Variants in RBMS1 observed in about 807,000 individuals in gnomAD.
RBMS1 encodes RNA binding motif single stranded interacting protein 1, also known as RNA-binding motif, single-stranded-interacting protein 1.
Under a neutral mutation model 62.3 loss-of-function variants are expected in RBMS1, and 17 were observed. The observed-to-expected ratio is 0.27, with a 90% CI of 0.19 to 0.41. The LOEUF is 0.41. Ranked by LOEUF, RBMS1 falls within the 10% of genes least tolerant of loss-of-function variation. RBMS1 has a pLI of 1.00. For synonymous variants in RBMS1, 172 were observed against 170.0 expected, an observed-to-expected ratio of 1.01 and a Z score of -0.09; for missense variants, 334 against 504.5, an observed-to-expected ratio of 0.66 and a Z score of 3.24.
chr2:160,356,272 G>C (rs1692796414), intron 2 of RBMS1, among the ~76,000 whole-genome samples: 1 of 152,070 alleles, frequency 6.6e-6, no homozygotes, highest in Non-Finnish European at 1.5e-5. Context: ...AGGAAAGACA[G>C]GTTCCTCCTC....
chr2:160,341,887 T>C (rs567474405), intron 2 of RBMS1, among the ~76,000 whole-genome samples: 1 of 152,342 alleles, frequency 6.6e-6, no homozygotes, highest in South Asian at 2.1e-4. Flanking sequence ...TAGTTATATG[T>C]TTTAAAACAT....
At chr2:160,357,156 T>A (rs1692846670) in intron 2 of RBMS1, among the ~76,000 whole-genome samples, 2 of 152,082 alleles carry the variant, frequency 1.3e-5, no homozygotes, top group Admixed American at 1.3e-4. Flanking sequence ...CCAAGGCTCA[T>A]ATAAAGGAAC....
At chr2:160,394,775 C>T (rs909073928) in intron 1 of RBMS1, among the ~76,000 whole-genome samples, 2 of 152,166 alleles carry the variant, frequency 1.3e-5, no homozygotes, top group South Asian at 4.1e-4. Context: ...CACTCTTTAA[C>T]ATTCATTAGA....
intron 10 of RBMS1, 159 bp from the exon 11 acceptor site, chr2:160,278,817 A>G: frequency 1.8e-6 from 1 of 564,872 alleles, no homozygotes; most frequent in Non-Finnish European, 3.1e-6. Context: ...AGTTTCCTAA[A>G]AATCTTCTAA....
chr2:160,328,015 C>T (rs1359912141), intron 2 of RBMS1, among the ~76,000 whole-genome samples: 3 of 152,092 alleles, frequency 2.0e-5, no homozygotes, highest in Non-Finnish European at 4.4e-5. Context: ...CTTAACTTTA[C>T]TGAAACATAA....
rs116608759 is a variant in RBMS1, at chr2:160,371,654, C to T, written c.76-4263G>A. ...AGGGGTGGTTGTATTAGACCCTCAGCCTTTCCTGCACGAGTGGTTTGGCAC... is the reference window on the plus strand; with the variant it reads ...AGGGGTGGTTGTATTAGACCCTCAGTCTTTCCTGCACGAGTGGTTTGGCAC... On this transcript the variant is annotated intron_variant, in intron 1 of 13. Transcript: ENST00000348849. Among the ~76,000 whole-genome samples, 3 of 152,208 alleles carry T rather than the reference C, an allele frequency of 2.0e-5. No homozygotes were observed. In the South Asian group the frequency reaches 6.2e-4, roughly 32 times the overall value.
intron 2 of RBMS1, among the ~76,000 whole-genome samples, chr2:160,360,942 T>C (rs771069035): frequency 4.6e-5 from 7 of 152,158 alleles, no homozygotes; most frequent in Non-Finnish European, 7.3e-5. Flanking sequence ...AAAATAAATA[T>C]GTATTGAATA....
intron 1 of RBMS1, among the ~76,000 whole-genome samples, chr2:160,438,744 C>G (rs1256660751): frequency 6.6e-6 from 1 of 152,262 alleles, no homozygotes; most frequent in Non-Finnish European, 1.5e-5. Flanking sequence ...CCGCCATTGT[C>G]ATCATGGCCC....
chr2:160,309,044 A>T (rs1244154175), intron 4 of RBMS1, among the ~76,000 whole-genome samples: 2 of 152,150 alleles, frequency 1.3e-5, no homozygotes, highest in East Asian at 3.9e-4. Flanking sequence ...TTAAGGGGAG[A>T]CCACAAAACA....
intron 1 of RBMS1, among the ~76,000 whole-genome samples, chr2:160,428,921 C>A (rs1199840331): frequency 6.6e-6 from 1 of 152,126 alleles, no homozygotes; most frequent in East Asian, 1.9e-4. Context: ...CTATGAAAAT[C>A]CAAATTTGAA....
chr2:160,325,956 C>T (rs1338016846), intron 2 of RBMS1, among the ~76,000 whole-genome samples: 1 of 152,064 alleles, frequency 6.6e-6, no homozygotes, highest in African/African-American at 2.4e-5. Context: ...AAAGATATTC[C>T]CCATTTCATT....
chr2:160,376,371 G>C (rs1394601031), intron 1 of RBMS1, among the ~76,000 whole-genome samples: 1 of 152,146 alleles, frequency 6.6e-6, no homozygotes, highest in African/African-American at 2.4e-5. Context: ...ACAGGAAACT[G>C]AACAAGTATT....
chr2:160,472,386 T>A (rs575225364), intron 1 of RBMS1, among the ~76,000 whole-genome samples: 2 of 152,330 alleles, frequency 1.3e-5, no homozygotes, highest in South Asian at 4.1e-4. Context: ...AAAAATTGCT[T>A]CAGTTGTGTG....
chr2:160,427,420 G>C (rs537584100), intron 1 of RBMS1, among the ~76,000 whole-genome samples: 5 of 152,076 alleles, frequency 3.3e-5, no homozygotes, highest in Admixed American at 2.0e-4. Context: ...AAAGAGAACT[G>C]AGTCAAAAAT....
chr2:160,339,084 T>C (rs1280560960), intron 2 of RBMS1, among the ~76,000 whole-genome samples: 1 of 151,964 alleles, frequency 6.6e-6, no homozygotes, highest in African/African-American at 2.4e-5. Flanking sequence ...AAATCACATC[T>C]CTCTCCCCAG....
At chr2:160,276,616 A>G (rs888942609) in intron 12 of RBMS1, 2 of 152,258 alleles carry the variant, frequency 1.3e-5, no homozygotes. Context: ...CTTCCATAAC[A>G]AGAACAGTTA....
intron 2 of RBMS1, among the ~76,000 whole-genome samples, chr2:160,329,199 T>C (rs1559390167): frequency 6.6e-6 from 1 of 152,148 alleles, no homozygotes; most frequent in Non-Finnish European, 1.5e-5. Context: ...AAGAACAGAC[T>C]GACAAGGAAA....
intron 1 of RBMS1, among the ~76,000 whole-genome samples, chr2:160,394,404 T>G (rs917678712): frequency 6.6e-6 from 1 of 152,294 alleles, no homozygotes; most frequent in Non-Finnish European, 1.5e-5. Context: ...ATGCAAATTT[T>G]TCTACCCACA....
At chr2:160,433,529 C>T (rs1338995976) in intron 1 of RBMS1, among the ~76,000 whole-genome samples, 1 of 152,224 alleles carries the variant, frequency 6.6e-6, no homozygotes, top group African/African-American at 2.4e-5. Flanking sequence ...TTTAGCTTCA[C>T]AATTAAAACA....
Sources: gnomAD v4.1 joint callset for allele counts (sites outside exome capture counted in the v4.1 genomes callset) on GRCh38, gnomAD v4.1.1 for gene constraint, MANE v1.5 for transcripts, NCBI Gene and HGNC (gene_info 2026-07-23, HGNC 2026-07-21) for gene names.